Variants in PARD3B observed in about 807,000 individuals in gnomAD.
The protein encoded by PARD3B is par-3 family cell polarity regulator beta.
PARD3B carries 103 observed loss-of-function variants against 130.2 expected under a neutral mutation model. That is an observed-to-expected ratio of 0.79 (90% confidence interval 0.67 to 0.93). The LOEUF (loss-of-function observed/expected upper bound fraction) is 0.93. Ranked by LOEUF, PARD3B falls within the 40% of genes least tolerant of loss-of-function variation. The probability of loss-of-function intolerance (pLI) is 0.00; values close to 1 mark genes in which losing one functional copy is unlikely to be tolerated. For missense variants in PARD3B, 1,609 were observed against 1,499.2 expected (o/e 1.07, Z -1.21); for synonymous variants, 583 against 553.2 (o/e 1.05, Z -0.76).
At chr2:205,350,568 T>G (rs1289822014) in intron 18 of PARD3B, among the ~76,000 whole-genome samples, 1 of 152,238 alleles carries the variant, frequency 6.6e-6, no homozygotes, top group African/African-American at 2.4e-5. Context: ...GCTGCTTTTA[T>G]GAGCACTTTC....
intron 1 of PARD3B, among the ~76,000 whole-genome samples, chr2:204,605,051 A>C (rs1340461609): frequency 1.3e-5 from 2 of 152,148 alleles, no homozygotes; most frequent in Non-Finnish European, 2.9e-5. Flanking sequence ...AGGTATTTGT[A>C]CTACTTTACA....
chr2:205,509,791 G>A (rs2050522709), intron 21 of PARD3B, among the ~76,000 whole-genome samples: 1 of 152,200 alleles, frequency 6.6e-6, no homozygotes, highest in South Asian at 2.1e-4. Context: ...CACTGCCTGT[G>A]GGCAGTGACC....
chr2:205,501,070 G>A (rs1319483678), intron 21 of PARD3B, among the ~76,000 whole-genome samples: 1 of 152,152 alleles, frequency 6.6e-6, no homozygotes, highest in Non-Finnish European at 1.5e-5. Flanking sequence ...TCTGGCGACT[G>A]AGCTGATTCC....
chr2:204,623,960 C>A lies in PARD3B; in HGVS notation c.121-62221C>A, dbSNP rs150990799. On this transcript the variant is annotated intron_variant, in intron 1 of 22. Transcript: ENST00000406610. This position sits in a 1 kb window ranked among gnomAD's most constrained non-coding sequence, Gnocchi z 4.5. ...ATACCATAATGTCTACAGTTCTGTCCATGTCATTGGCAGGACTTTCTTTTT... is the reference window on the plus strand; with the variant it reads ...ATACCATAATGTCTACAGTTCTGTCAATGTCATTGGCAGGACTTTCTTTTT... 6.6e-6 allele frequency among the ~76,000 whole-genome samples: 1 copy of A among 152,184 alleles called. No individual in the cohort carries two copies. The highest frequency in any genetic ancestry group is 2.4e-5 in the African/African-American group (1 of 41,518).
rs116379457 is a variant in PARD3B, at chr2:205,584,993, C to T, written c.3261-30463C>T. Among the ~76,000 whole-genome samples, 435 of 152,284 alleles carry T rather than the reference C, an allele frequency of 2.9e-3. 3 individuals are homozygous for T. Among genetic ancestry groups the T allele is most frequent in the African/African-American group, 0.01 (418 of 41,564 alleles). On this transcript the variant is annotated intron_variant, in intron 22 of 22. Coordinates refer to ENST00000406610, the MANE Select transcript of PARD3B (RefSeq NM_001302769.2). The surrounding 1 kb of genome is among the most constrained non-coding windows in gnomAD (Gnocchi z 5.5). ...TGTTGAAGGCACAGGTGTCTAATTG[C>T]GCCCACAAATGACCGTTTGACAGGC...
intron 2 of PARD3B, among the ~76,000 whole-genome samples, chr2:204,829,816 G>A (rs1049891627): frequency 8.6e-4 from 131 of 152,032 alleles, no homozygotes; most frequent in African/African-American, 2.9e-3. Context: ...TGGCTAACAC[G>A]GTGAAACCCC....
chr2:205,371,002 C>T (rs931788505), intron 18 of PARD3B, among the ~76,000 whole-genome samples: 3 of 152,150 alleles, frequency 2.0e-5, no homozygotes, highest in Admixed American at 1.3e-4. Flanking sequence ...TGCTGAAGTG[C>T]GAGCCTCCAC....
At chr2:205,075,799 AAACAC>A (rs1157962517) in intron 4 of PARD3B, among the ~76,000 whole-genome samples, 1 of 151,968 alleles carries the variant, frequency 6.6e-6, no homozygotes, top group Non-Finnish European at 1.5e-5. Context: ...CTTTTTTCAT[AAACAC>A]ATACTTTTGC....
In PARD3B at chr2:205,121,975, C is replaced by A; in HGVS notation, c.1165+26C>A. Reference sequence around the variant, plus strand: ...GTAATTATTAAATTATGCCTAATAGCATTCTATTATTGTAACATGTAAAAT... The same window carrying A: ...GTAATTATTAAATTATGCCTAATAGAATTCTATTATTGTAACATGTAAAAT... On this transcript the variant is annotated intron_variant, in intron 8 of 22. Coordinates refer to ENST00000406610, the MANE Select transcript of PARD3B (RefSeq NM_001302769.2). This position sits in a 1 kb window ranked among gnomAD's most constrained non-coding sequence, Gnocchi z 5.0. 1 of 1,539,410 alleles carries A rather than the reference C, an allele frequency of 6.5e-7. No individual in the cohort carries two copies.
chr2:204,947,381 A>G (rs1255517914), intron 2 of PARD3B, among the ~76,000 whole-genome samples: 3 of 151,420 alleles, frequency 2.0e-5, no homozygotes, highest in Non-Finnish European at 4.4e-5. Context: ...TATTCTAGTT[A>G]AACATAGGGC....
chr2:205,075,228 A>G (rs1157355554), intron 4 of PARD3B, among the ~76,000 whole-genome samples: 2 of 152,156 alleles, frequency 1.3e-5, no homozygotes, highest in African/African-American at 4.8e-5. Flanking sequence ...TTCACAGTGA[A>G]GGAATGTTTG....
At chr2:204,899,507 A>G (rs1455788736) in intron 2 of PARD3B, among the ~76,000 whole-genome samples, 1 of 152,166 alleles carries the variant, frequency 6.6e-6, no homozygotes, top group Non-Finnish European at 1.5e-5. Flanking sequence ...AAAACTAAAA[A>G]AACTCTACAC....
chr2:204,638,813 G>C (rs2034977874), intron 1 of PARD3B, among the ~76,000 whole-genome samples: 1 of 152,176 alleles, frequency 6.6e-6, no homozygotes, highest in East Asian at 1.9e-4. Flanking sequence ...TCGTAACAGA[G>C]TGTTTTGCAG....
chr2:205,469,465 C>G (rs1225681832), intron 20 of PARD3B, among the ~76,000 whole-genome samples: 1 of 152,182 alleles, frequency 6.6e-6, no homozygotes, highest in Non-Finnish European at 1.5e-5. Flanking sequence ...CAGGAGGAAG[C>G]ACTTCCTACT....
chr2:205,500,055 C>T (rs770832748), intron 21 of PARD3B, 24 bp downstream of exon 21: 29 of 1,609,508 alleles, frequency 1.8e-5, no homozygotes, highest in Middle Eastern at 1.7e-4. Context: ...TGATTTCAAT[C>T]GTTGAATTCA....
chr2:204,745,155 A>G (rs943110837), intron 2 of PARD3B, among the ~76,000 whole-genome samples: 22 of 152,248 alleles, frequency 1.4e-4, no homozygotes, highest in African/African-American at 4.3e-4. Context: ...TCCAGAATCG[A>G]TGATGTTGGA....
chr2:205,034,905 G>A (rs1305878998), intron 3 of PARD3B, among the ~76,000 whole-genome samples: 1 of 152,018 alleles, frequency 6.6e-6, no homozygotes, highest in Non-Finnish European at 1.5e-5. Flanking sequence ...CACCCAGACT[G>A]GAGTGCAGTC....
intron 2 of PARD3B, 25 bp downstream of exon 2, chr2:204,686,307 CTTTG>C (rs1455970932): frequency 2.0e-6 from 3 of 1,491,948 alleles, no homozygotes; most frequent in Non-Finnish European, 2.8e-6. Flanking sequence ...AAATGTGCCT[CTTTG>C]TTTTCCTCTA....
chr2:205,172,118 T>C, intron 11 of PARD3B, 93 bp from the exon 12 acceptor site: 2 of 1,323,358 alleles, frequency 1.5e-6, no homozygotes, highest in East Asian at 2.4e-5. Flanking sequence ...TTTTTCTTTT[T>C]TTCATTTTTA....
Sources: allele counts gnomAD v4.1 joint callset (sites outside exome capture counted in the v4.1 genomes callset), GRCh38; gene constraint gnomAD v4.1.1; non-coding constraint Gnocchi (gnomAD v3.1); transcripts MANE v1.5; gene names NCBI Gene and HGNC (gene_info 2026-07-23, HGNC 2026-07-21).